Variants in SLIT2 observed in about 807,000 individuals in gnomAD.
SLIT2 encodes slit guidance ligand 2.
Under a neutral mutation model 185.7 loss-of-function variants are expected in SLIT2, and 41 were observed. The ratio of observed to expected loss-of-function variants is 0.22; its 90% CI spans 0.17 to 0.29. The LOEUF (loss-of-function observed/expected upper bound fraction) is 0.29. Among genes scored for constraint, SLIT2 ranks in the 10% least tolerant of loss-of-function variants. SLIT2 has a pLI of 1.00. For missense variants in SLIT2, 1,571 were observed against 1,909.0 expected (o/e 0.82, Z 3.30); for synonymous variants, 693 against 680.2 (o/e 1.02, Z -0.29).
chr4:20,379,581 G>A (rs1443649621), intron 4 of SLIT2, among the ~76,000 whole-genome samples: 11 of 152,128 alleles, frequency 7.2e-5, no homozygotes, highest in Non-Finnish European at 1.3e-4. Flanking sequence ...CTGTGAATGT[G>A]TGTTCTTTAC....
At chr4:20,565,588 A>C (rs1390829721) in intron 26 of SLIT2, among the ~76,000 whole-genome samples, 1 of 151,948 alleles carries the variant, frequency 6.6e-6, no homozygotes, top group Non-Finnish European at 1.5e-5. Context: ...TATGGAGCTT[A>C]CTTTACTTCA....
chr4:20,504,221 G>A (rs530853181), intron 9 of SLIT2, among the ~76,000 whole-genome samples: 16 of 152,272 alleles, frequency 1.1e-4, no homozygotes, highest in African/African-American at 3.8e-4. Flanking sequence ...TCTTACCTAT[G>A]AGGAGAATGT....
chr4:20,473,032 G>T (rs1426786799), intron 5 of SLIT2, among the ~76,000 whole-genome samples: 1 of 151,686 alleles, frequency 6.6e-6, no homozygotes, highest in Admixed American at 6.6e-5. Flanking sequence ...TGGTTTTTTA[G>T]TGAGTTCAAT....
At chr4:20,460,340 C>T (rs1349124228) in intron 4 of SLIT2, among the ~76,000 whole-genome samples, 1 of 151,904 alleles carries the variant, frequency 6.6e-6, no homozygotes, top group African/African-American at 2.4e-5. Flanking sequence ...ACTATTTTTT[C>T]AAATTTATTT....
chr4:20,507,060 AAGATCAGGTCCT>A (rs1719274062), intron 9 of SLIT2, among the ~76,000 whole-genome samples: 1 of 152,030 alleles, frequency 6.6e-6, no homozygotes, highest in Non-Finnish European at 1.5e-5. Context: ...TTGCAATGTG[AAGATCAGGTCCT>A]TGGTACATTG....
intron 4 of SLIT2, among the ~76,000 whole-genome samples, chr4:20,315,018 AATT>A (rs1344826725): frequency 1.1e-5 from 1 of 89,730 alleles, no homozygotes; most frequent in African/African-American, 3.2e-5. Context: ...TAAAATAATT[AATT>A]ATTATAATTA....
At chr4:20,409,679 T>C (rs1037881402) in intron 4 of SLIT2, among the ~76,000 whole-genome samples, 1 of 152,204 alleles carries the variant, frequency 6.6e-6, no homozygotes, top group African/African-American at 2.4e-5. Context: ...CTAATTTACA[T>C]TCCCATCAAC....
In SLIT2 at chr4:20,617,182, C is replaced by T. The variant is rs768389540; in HGVS notation, c.4120C>T (p.Pro1374Ser). 2 of 1,582,992 alleles carry T rather than the reference C, an allele frequency of 1.3e-6. No individual in the cohort carries two copies. The highest frequency in any genetic ancestry group is 1.7e-6 in the Non-Finnish European group (2 of 1,160,000). The stretch of plus-strand genomic sequence containing the variant: ...CCTCTGTGACCAACGGACCAATGAC[C>T]CTTGCCTTGGAAATAAGTAAGTTCC... ...GPLCDQRTND[P>S]CLGNKCVHGT... Residue 1374 changes from proline to serine, a missense_variant, in exon 35 of 37, where the codon CCT (proline) becomes TCT (serine). By Grantham distance (74) the Pro-to-Ser change is moderately conservative. This residue lies in a region of SLIT2 where 223 missense variants were observed against 245.2 expected (regional missense o/e 0.91). Coordinates refer to ENST00000504154, the MANE Select transcript of SLIT2 (RefSeq NM_004787.4).
At chr4:20,375,201 A>G (rs373551558) in intron 4 of SLIT2, among the ~76,000 whole-genome samples, 1 of 152,084 alleles carries the variant, frequency 6.6e-6, no homozygotes, top group Non-Finnish European at 1.5e-5. Flanking sequence ...TAAGTGGATT[A>G]ATAGTAGAGT....
intron 24 of SLIT2, among the ~76,000 whole-genome samples, chr4:20,550,435 A>G (rs1046346151): frequency 3.3e-5 from 5 of 151,582 alleles, no homozygotes; most frequent in South Asian, 2.1e-4. Flanking sequence ...ATATTATTCT[A>G]TTTCTTATAT....
chr4:20,312,238 C>T lies in SLIT2; in HGVS notation c.395+43357C>T, dbSNP rs79056180. Among the ~76,000 whole-genome samples, 41 of 152,226 alleles carry T rather than the reference C, an allele frequency of 2.7e-4. 1 individual carries two copies. The East Asian group carries it at 3.1e-3, about 11-fold the overall frequency. On this transcript the variant is annotated intron_variant, in intron 4 of 36. Coordinates refer to ENST00000504154, the MANE Select transcript of SLIT2 (RefSeq NM_004787.4). ...AGTATGGAAAATTTGAGTTACTCAA[C>T]CAACTCAACTAACTTAGGCATTTTA...
At chr4:20,554,031 A>G in intron 26 of SLIT2, 63 bp downstream of exon 26, 1 of 1,329,690 alleles carries the variant, frequency 7.5e-7, no homozygotes, top group Non-Finnish European at 1.0e-6. Context: ...AAAGAAAAAG[A>G]CAACCAATTG....
intron 6 of SLIT2, among the ~76,000 whole-genome samples, chr4:20,482,913 G>A (rs1425730797): frequency 6.6e-6 from 1 of 151,560 alleles, no homozygotes; most frequent in Non-Finnish European, 1.5e-5. Context: ...TTGGAGCACT[G>A]AAAAGACGAT....
chr4:20,542,162 T>C (rs1722851776), intron 20 of SLIT2, among the ~76,000 whole-genome samples: 1 of 152,212 alleles, frequency 6.6e-6, no homozygotes, highest in Non-Finnish European at 1.5e-5. Context: ...TCTTCATATC[T>C]GTTTCCGTGC....
chr4:20,382,095 G>A (rs1724575578), intron 4 of SLIT2, among the ~76,000 whole-genome samples: 1 of 151,954 alleles, frequency 6.6e-6, no homozygotes, highest in Non-Finnish European at 1.5e-5. Context: ...GAGAAATCAA[G>A]CATTGAAATT....
At chr4:20,322,098 C>A (rs1719141196) in intron 4 of SLIT2, among the ~76,000 whole-genome samples, 1 of 152,140 alleles carries the variant, frequency 6.6e-6, no homozygotes, top group South Asian at 2.1e-4. Context: ...TACAGGCCAG[C>A]CAGATTCCAG....
intron 3 of SLIT2, 61 bp downstream of exon 3, chr4:20,258,000 T>C: frequency 1.2e-6 from 1 of 832,346 alleles, no homozygotes; most frequent in Non-Finnish European, 2.0e-6. Context: ...AATACTTAAA[T>C]TTCAAGCATC....
chr4:20,596,737 T>C, intron 32 of SLIT2, 82 bp downstream of exon 32: 5 of 1,363,006 alleles, frequency 3.7e-6, no homozygotes, highest in East Asian at 2.3e-5. Context: ...AGCTTCTGAA[T>C]GATTGATAGT....
chr4:20,527,034 C>T (rs867661737), intron 15 of SLIT2, among the ~76,000 whole-genome samples: 15 of 152,118 alleles, frequency 9.9e-5, no homozygotes, highest in Non-Finnish European at 1.6e-4. Flanking sequence ...TGTAATGAAA[C>T]GATTATATTT....
Sources: allele counts gnomAD v4.1 joint callset (sites outside exome capture counted in the v4.1 genomes callset), GRCh38; gene constraint gnomAD v4.1.1; regional missense constraint gnomAD v4.1.1; transcripts MANE v1.5; gene names NCBI Gene and HGNC (gene_info 2026-07-23, HGNC 2026-07-21).